Variants in ZNF565 observed in about 807,000 individuals in gnomAD.
ZNF565 encodes zinc finger protein 565.
ZNF565 carries 27 observed loss-of-function variants against 39.4 expected under a neutral mutation model. The ratio of observed to expected loss-of-function variants is 0.69; its 90% CI spans 0.51 to 0.95. ZNF565 has a LOEUF of 0.95. ZNF565 is among the 40% of genes least tolerant of loss of function. ZNF565 has a pLI of 0.00. For missense variants in ZNF565, 524 were observed against 621.1 expected, an observed-to-expected ratio of 0.84 and a Z score of 1.66; for synonymous variants, 185 against 216.6, an observed-to-expected ratio of 0.85 and a Z score of 1.28.
chr19:36,244,366 T>C (rs536580650), intron 1 of ZNF565, among the ~76,000 whole-genome samples: 27 of 78,030 alleles, frequency 3.5e-4, no homozygotes, highest in Non-Finnish European at 6.4e-4. Flanking sequence ...GTGGTCAAAA[T>C]GGTGAAACCC....
chr19:36,188,279 T>C (rs10424855), intron 4 of ZNF565, among the ~76,000 whole-genome samples: 38,938 of 150,992 alleles, frequency 0.26, 5,227 homozygotes, highest in East Asian at 0.4. Context: ...CACTTGAACC[T>C]GGGAGGCGGA....
chr19:36,242,941 G>C (rs991084479), intron 1 of ZNF565, among the ~76,000 whole-genome samples: 8 of 152,092 alleles, frequency 5.3e-5, no homozygotes, highest in Non-Finnish European at 1.5e-5. Flanking sequence ...AATAATTTTA[G>C]ATTGCACCCA....
Position 36,183,056 on chromosome 19 carries a change from C to T in ZNF565, c.910G>A (p.Ala304Thr). ...CATTCTTTACACTCATAGGGTCTGG[C>T]CCCTGTGTGGATTCTCCGATGCACA... ...LTVHRRIHTG[A>T]RPYECKECGK... The change falls in exon 5 of 5, where the codon GCC (alanine) becomes ACC (threonine). Residue 304 changes from alanine (A) to threonine (T), a missense_variant. Transcript: ENST00000304116. The T allele has an allele frequency of 4.3e-6, 7 of 1,614,192 alleles. No individual in the cohort carries two copies. Among genetic ancestry groups the T allele is most frequent in the Non-Finnish European group, 5.9e-6 (7 of 1,180,044 alleles).
intron 1 of ZNF565, among the ~76,000 whole-genome samples, chr19:36,234,598 T>C (rs960289587): frequency 6.6e-6 from 1 of 152,134 alleles, no homozygotes; most frequent in African/African-American, 2.4e-5. Flanking sequence ...GGGGTTTCAC[T>C]GTGTTAGCCA....
chr19:36,211,912 C>A (rs187713970), intron 1 of ZNF565, among the ~76,000 whole-genome samples: 1 of 152,118 alleles, frequency 6.6e-6, no homozygotes, highest in African/African-American at 2.4e-5. Flanking sequence ...GCGTCATCAA[C>A]GGATAAGACT....
chr19:36,236,827 A>G, intron 1 of ZNF565: 2 of 1,614,160 alleles, frequency 1.2e-6, no homozygotes, highest in Non-Finnish European at 8.5e-7. Context: ...AGCCCTTTGT[A>G]TGTAAGGAGT....
At chr19:36,224,467 G>A (rs984438817) in intron 1 of ZNF565, among the ~76,000 whole-genome samples, 18 of 152,168 alleles carry the variant, frequency 1.2e-4, no homozygotes, top group Admixed American at 9.2e-4. Flanking sequence ...TATTTGGTCT[G>A]TTTCTGGGTG....
At chr19:36,189,799 G>C (rs1305940274) in intron 4 of ZNF565, among the ~76,000 whole-genome samples, 3 of 152,082 alleles carry the variant, frequency 2.0e-5, no homozygotes, top group Non-Finnish European at 4.4e-5. Flanking sequence ...TTACAGTAGA[G>C]TCGTACCCAT....
At chr19:36,221,144 CT>C (rs1976817479) in intron 1 of ZNF565, among the ~76,000 whole-genome samples, 1 of 152,106 alleles carries the variant, frequency 6.6e-6, no homozygotes, top group South Asian at 2.1e-4. Context: ...CTGAGCCCAG[CT>C]TTTAAAATGC....
chr19:36,203,322 A>T (rs1024354359), intron 1 of ZNF565: 1 of 143,432 alleles, frequency 7.0e-6, no homozygotes, highest in African/African-American at 2.6e-5. Context: ...GGCAATAAAA[A>T]CAAAACTCTG....
At chr19:36,185,413 CAAA>C (rs964502449) in intron 4 of ZNF565, among the ~76,000 whole-genome samples, 9 of 57,156 alleles carry the variant, frequency 1.6e-4, no homozygotes, top group East Asian at 5.1e-4. Context: ...AACTCTGTCT[CAAA>C]AAAAAAAAAA....
At position 36,212,487 on chromosome 19, in the gene ZNF565, T is replaced by C. The variant is rs141846557; in HGVS notation, c.-66+2135A>G. 2.6e-3 allele frequency among the ~76,000 whole-genome samples: 402 copies of C among 152,046 alleles called. 3 individuals carry two copies. The highest frequency in any genetic ancestry group is 8.9e-3 in the African/African-American group (371 of 41,484). Reference sequence around the variant, plus strand: ...ATTACAAAAAATCAGCTGGGCACGATGGCATTTGTCTGTAATCTCAGCTTC... The same window carrying C: ...ATTACAAAAAATCAGCTGGGCACGACGGCATTTGTCTGTAATCTCAGCTTC... On this transcript the variant is annotated intron_variant, in intron 1 of 4. Coordinates refer to ENST00000304116, the MANE Select transcript of ZNF565 (RefSeq NM_152477.5).
intron 1 of ZNF565, among the ~76,000 whole-genome samples, chr19:36,227,759 C>T (rs906114230): frequency 6.6e-6 from 1 of 152,158 alleles, no homozygotes; most frequent in African/African-American, 2.4e-5. Flanking sequence ...CACTGTGTTG[C>T]CCAGCCTGGT....
chr19:36,242,358 G>A (rs1025052273), intron 1 of ZNF565, among the ~76,000 whole-genome samples: 4 of 151,340 alleles, frequency 2.6e-5, no homozygotes, highest in African/African-American at 4.9e-5. Flanking sequence ...GCAGTGAGGC[G>A]AGATCAAGCT....
intron 1 of ZNF565, among the ~76,000 whole-genome samples, chr19:36,239,571 A>G (rs1368033327): frequency 6.6e-6 from 1 of 152,180 alleles, no homozygotes; most frequent in Non-Finnish European, 1.5e-5. Context: ...GTGATTCTCC[A>G]TGGCCTGTTC....
In ZNF565 at chr19:36,235,155, G is replaced by A. The variant is rs192343245; in HGVS notation, c.55+10321C>T. On this transcript the variant is annotated intron_variant, in intron 1 of 4. Transcript: ENST00000355114. ...ACCCAGGAGGCGGAGGCTGCAGTGA[G>A]CCGAGATCGCACCACTGCACTCCAG... is the stretch of plus-strand genomic sequence containing the variant. Among the ~76,000 whole-genome samples the A allele has an allele frequency of 1.4e-3, 207 of 151,182 alleles. 1 individual carries two copies. The highest frequency in any genetic ancestry group is 4.6e-3 in the African/African-American group (189 of 41,130).
intron 1 of ZNF565, among the ~76,000 whole-genome samples, chr19:36,243,948 C>G (rs553889776): frequency 3.5e-4 from 54 of 152,296 alleles, no homozygotes; most frequent in African/African-American, 1.3e-3. Context: ...GGAATCCACC[C>G]TCCTTGGCCT....
rs1017917949 is a variant in ZNF565, at chr19:36,242,456, C to T, written c.55+3020G>A. Among the ~76,000 whole-genome samples, 6 of 151,418 alleles carry T rather than the reference C, an allele frequency of 4.0e-5. No homozygotes were observed. The South Asian group carries it at 8.3e-4, about 21-fold the overall frequency. ...TTAAAAATGGGCAAATTTCTGGGCA[C>T]GGTGGCTCACACCTGTAATCCCATC... On this transcript the variant is annotated intron_variant, in intron 1 of 4. Coordinates refer to the ZNF565 transcript ENST00000355114.
At chr19:36,231,390 T>A (rs750092293) in intron 1 of ZNF565, among the ~76,000 whole-genome samples, 2 of 151,978 alleles carry the variant, frequency 1.3e-5, no homozygotes, top group Non-Finnish European at 2.9e-5. Context: ...TTGTATTTTT[T>A]TGGTAACCAG....
Sources: allele counts gnomAD v4.1 joint callset (sites outside exome capture counted in the v4.1 genomes callset), GRCh38; gene constraint gnomAD v4.1.1; transcripts MANE v1.5; gene names NCBI Gene and HGNC (gene_info 2026-07-23, HGNC 2026-07-21).